The following PDK2 variants were observed in gnomAD, a reference collection of about 807,000 sequenced individuals.
PDK2 encodes pyruvate dehydrogenase kinase 2, also known as pyruvate dehydrogenase kinase, isozyme 2.
Under a neutral mutation model 50.4 loss-of-function variants are expected in PDK2, and 34 were observed. That is an observed-to-expected ratio of 0.68 (90% CI 0.51 to 0.90). The LOEUF (loss-of-function observed/expected upper bound fraction) is 0.90. Ranked by LOEUF, PDK2 falls within the 40% of genes least tolerant of loss-of-function variation. The pLI is 0.00. For synonymous variants in PDK2, 232 were observed against 216.0 expected (o/e 1.07, Z -0.65); for missense variants, 377 against 544.5 (o/e 0.69, Z 3.06).
At chr17:50,104,017 G>A (rs902658673) in intron 2 of PDK2, among the ~76,000 whole-genome samples, 50 of 152,290 alleles carry the variant, frequency 3.3e-4, no homozygotes, top group African/African-American at 1.2e-3. Flanking sequence ...GGGGCCCTTG[G>A]CACTGCAGGG....
At chr17:50,096,357 G>A in intron 1 of PDK2, 1 of 910,426 alleles carries the variant, frequency 1.1e-6, no homozygotes, top group Non-Finnish European at 1.3e-6. Flanking sequence ...CAACGTGGCA[G>A]CTGAAATGGG....
Position 50,108,692 on chromosome 17 carries a change from C to T in PDK2, c.942C>T (p.Pro314=). The change falls in exon 9 of 11, where the codon CCC becomes CCT. Residue 314 remains proline, a synonymous_variant. Transcript: ENST00000503176. Reference sequence around the variant, plus strand: ...ACATGTACTCCACAGCACCCACCCCCCAGCCTGGCACCGGGGGAACGCCGC... The same window carrying T: ...ACATGTACTCCACAGCACCCACCCCTCAGCCTGGCACCGGGGGAACGCCGC... ...FSYMYSTAPT[P]QPGTGGTPLA... 6.2e-7 allele frequency: 1 copy of T among 1,612,876 alleles called. No homozygotes were observed. Among genetic ancestry groups the T allele is most frequent in the Non-Finnish European group, 8.5e-7 (1 of 1,179,516 alleles).
At chr17:50,106,555 A>G in intron 4 of PDK2, 2 of 575,444 alleles carry the variant, frequency 3.5e-6, no homozygotes, top group East Asian at 2.8e-5. Flanking sequence ...ATGTGGGGAG[A>G]GACCTCTGAA....
intron 1 of PDK2, chr17:50,095,773 C>T (rs986746635): frequency 5.1e-6 from 7 of 1,382,346 alleles, no homozygotes; most frequent in Middle Eastern, 2.7e-4. Flanking sequence ...AGGACGGTCC[C>T]GAGGTTTCTT....
Position 50,110,099 on chromosome 17 carries a change from G to A in PDK2, c.*2G>A. 2 of 1,598,176 alleles carry A rather than the reference G, an allele frequency of 1.3e-6. No homozygotes were observed. Among genetic ancestry groups the A allele is most frequent in the Non-Finnish European group, 1.7e-6 (2 of 1,170,564 alleles). On this transcript the variant is annotated 3_prime_UTR_variant, in exon 11 of 11. Coordinates refer to ENST00000503176, the MANE Select transcript of PDK2 (RefSeq NM_002611.5). ...ACGTCCACGTACCGCGTCAGCTAAG[G>A]GCCGCCGTGCATCTGCACCTGAGAG...
chr17:50,107,221 G>A (rs1483481286), intron 6 of PDK2, 68 bp downstream of exon 6: 37 of 1,162,226 alleles, frequency 3.2e-5, no homozygotes, highest in Non-Finnish European at 4.6e-5. Context: ...GGTGAGACGG[G>A]GAGTCAGGAG....
upstream of PDK2, chr17:50,095,167 AAAC>A: frequency 4.9e-6 from 2 of 409,084 alleles, no homozygotes; most frequent in South Asian, 3.9e-5. Context: ...GGCCTCCCCA[AAAC>A]AACAGGCCGC....
chr17:50,108,022 G>A, intron 6 of PDK2, 134 bp from the exon 7 acceptor site: 1 of 699,030 alleles, frequency 1.4e-6, no homozygotes, highest in South Asian at 1.7e-5. Context: ...GCTCAAGGGA[G>A]GCTGGGGATT....
At chr17:50,107,506 G>A (rs1030175020) in intron 6 of PDK2, among the ~76,000 whole-genome samples, 3 of 152,154 alleles carry the variant, frequency 2.0e-5, no homozygotes, top group South Asian at 2.1e-4. Flanking sequence ...ACTTGAACCC[G>A]GGAGGCTGAG....
At chr17:50,100,468 G>A (rs552388472) in intron 2 of PDK2, among the ~76,000 whole-genome samples, 3 of 152,310 alleles carry the variant, frequency 2.0e-5, no homozygotes, top group Admixed American at 6.5e-5. Context: ...CATTGTGTTT[G>A]TAAGGGCCAA....
intron 2 of PDK2, among the ~76,000 whole-genome samples, chr17:50,099,078 C>T (rs1408893129): frequency 6.6e-6 from 1 of 151,994 alleles, no homozygotes; most frequent in Admixed American, 6.5e-5. Flanking sequence ...CAGGTCACCC[C>T]TTGCTGTGCC....
intron 1 of PDK2, chr17:50,096,127 C>T (rs2144341006): frequency 1.0e-6 from 1 of 985,844 alleles, no homozygotes; most frequent in African/African-American, 1.7e-5. Context: ...GACATCCACC[C>T]ACAGAAGGAG....
In PDK2 at chr17:50,101,559, C is replaced by T. The variant is rs963211892; in HGVS notation, c.261-3812C>T. 4.8e-5 allele frequency among the ~76,000 whole-genome samples: 7 copies of T among 145,722 alleles called. No homozygotes were observed. The highest frequency in any genetic ancestry group is 1.7e-4 in the African/African-American group (6 of 35,740). Reference sequence around the variant, plus strand: ...CCCTGCTCCCCAGCAGCTGTGGATACGAGTGCACAGGGCACACCCTCGCAC... The same window carrying T: ...CCCTGCTCCCCAGCAGCTGTGGATATGAGTGCACAGGGCACACCCTCGCAC... On this transcript the variant is annotated intron_variant, in intron 2 of 10. Transcript: ENST00000503176. The surrounding 1 kb of genome is among the most constrained non-coding windows in gnomAD (Gnocchi z 4.2).
In PDK2 at chr17:50,097,480, T is replaced by G; in HGVS notation, c.176T>G (p.Val59Gly). 6.2e-7 allele frequency: 1 copy of G among 1,613,922 alleles called. No homozygotes were observed. The highest frequency in any genetic ancestry group is 1.7e-5 in the Admixed American group (1 of 60,024). ...ACCTTCCTCAGGCAGGAGCTGCCTG[T>G]GCGCCTGGCCAACATCATGAAAGAG... The part of the protein sequence containing the change: ...SFTFLRQELP[V>G]RLANIMKEIN... Residue 59 changes from valine to glycine, a missense_variant, in exon 2 of 11, where the codon GTG becomes GGG. By Grantham distance (109) the Val-to-Gly change is moderately radical. Transcript: ENST00000503176.
intron 2 of PDK2, among the ~76,000 whole-genome samples, chr17:50,099,729 C>G (rs1313017837): frequency 6.6e-6 from 1 of 152,210 alleles, no homozygotes; most frequent in African/African-American, 2.4e-5. Context: ...GGAGGCGGAG[C>G]TTGCAGTGAG....
At chr17:50,095,643 G>T in intron 1 of PDK2, 90 bp downstream of exon 1, 1 of 1,492,658 alleles carries the variant, frequency 6.7e-7, no homozygotes, top group Non-Finnish European at 9.0e-7. Flanking sequence ...GGAGAAGAAA[G>T]GCCCCGAGTG....
In PDK2 at chr17:50,105,410, C is replaced by T; in HGVS notation, c.300C>T (p.Asp100=). ...QSLLDIMEFL[D]KDPEDHRTLS... is the part of the protein sequence containing the mutation. ...TCCTGGACATCATGGAGTTCCTGGA[C>T]AAGGATCCCGAGGACCATCGCACCC... is the stretch of plus-strand genomic sequence containing the variant. The change falls in exon 3 of 11, where the codon GAC becomes GAT. Residue 100 remains aspartate, a synonymous_variant. Coordinates refer to ENST00000503176, the MANE Select transcript of PDK2 (RefSeq NM_002611.5). The T allele has an allele frequency of 6.2e-7, 1 of 1,613,870 alleles. No homozygotes were observed. Among genetic ancestry groups the T allele is most frequent in the Non-Finnish European group, 8.5e-7 (1 of 1,179,932 alleles).
At position 50,110,107 on chromosome 17, in the gene PDK2, T is replaced by C. The variant is rs1392841076; in HGVS notation, c.*10T>C. ...GTACCGCGTCAGCTAAGGGCCGCCG[T>C]GCATCTGCACCTGAGAGGACGGACT... On this transcript the variant is annotated 3_prime_UTR_variant, in exon 11 of 11. Coordinates refer to ENST00000503176, the MANE Select transcript of PDK2 (RefSeq NM_002611.5). 2 of 1,590,314 alleles carry C rather than the reference T, an allele frequency of 1.3e-6. No homozygotes were observed. The highest frequency in any genetic ancestry group is 1.7e-6 in the Non-Finnish European group (2 of 1,165,462).
rs1910724605 is a variant in PDK2 at position 50,109,752 on chromosome 17, G to C, written c.1084-205G>C. Among the ~76,000 whole-genome samples the C allele has an allele frequency of 6.6e-6, 1 of 152,154 alleles. No individual in the cohort carries two copies. The highest frequency in any genetic ancestry group is 2.4e-5 in the African/African-American group (1 of 41,442). On this transcript the variant is annotated intron_variant, in intron 10 of 10. Coordinates refer to ENST00000503176, the MANE Select transcript of PDK2 (RefSeq NM_002611.5). This position sits in a 1 kb window ranked among gnomAD's most constrained non-coding sequence, Gnocchi z 5.0. The stretch of plus-strand genomic sequence containing the variant: ...GACTTGCTCAGGGTCACACAGCCCA[G>C]CCTCCTCCCCCTCCCTCTCCCTCCC...
Sources: gnomAD v4.1 joint callset for allele counts (sites outside exome capture counted in the v4.1 genomes callset) on GRCh38, gnomAD v4.1.1 for gene constraint, Gnocchi (gnomAD v3.1) non-coding constraint, MANE v1.5 for transcripts, NCBI Gene and HGNC (gene_info 2026-07-23, HGNC 2026-07-21) for gene names.